Variants in CTPS2 observed in about 807,000 individuals in gnomAD.
CTPS2 encodes CTP synthase 2.
CTPS2 carries 19 observed loss-of-function variants against 46.8 expected under a neutral mutation model. The ratio of observed to expected loss-of-function variants is 0.41; its 90% CI spans 0.28 to 0.60. The LOEUF is 0.60. Among genes scored for constraint, CTPS2 ranks in the 20% least tolerant of loss-of-function variants. CTPS2 has a pLI of 0.35. For missense variants in CTPS2, 286 were observed against 447.6 expected (o/e 0.64, Z 3.26); for synonymous variants, 151 against 165.2 (o/e 0.91, Z 0.66).
Position 16,693,184 on chromosome X carries a change from T to C in CTPS2, c.596A>G (p.Asn199Ser), listed in dbSNP as rs753513954. The change falls in exon 6 of 19, where the codon AAC becomes AGC. Residue 199 changes from asparagine to serine, a missense_variant. Physicochemically the swap from Asn to Ser is conservative, Grantham distance 46 (BLOSUM62 1). Transcript: ENST00000359276. The stretch of plus-strand genomic sequence containing the variant: ...TAAACCCCTCAGTGCGCGGACGCTG[T>C]TTTGGGTGGGTTTGGTTTTTTGTTC... Reference protein sequence around the residue: ...TGEQKTKPTQNSVRALRGLGL... With the variant: ...TGEQKTKPTQSSVRALRGLGL... 1 of 1,210,497 alleles carries C rather than the reference T, an allele frequency of 8.3e-7. No individual in the cohort carries two copies. Among genetic ancestry groups the C allele is most frequent in the Non-Finnish European group, 1.1e-6 (1 of 894,655 alleles).
At chrX:16,609,777 A>C in intron 16 of CTPS2, 92 bp from the exon 17 acceptor site, 6 of 919,635 alleles carry the variant, frequency 6.5e-6, no homozygotes, top group Non-Finnish European at 8.9e-6. Context: ...AAACTCATTA[A>C]ATGGTAAGAT....
At chrX:16,697,239 A>AGG (rs942791700) in intron 4 of CTPS2, among the ~76,000 whole-genome samples, 3 of 110,007 alleles carry the variant, frequency 2.7e-5, no homozygotes, top group African/African-American at 9.9e-5. Context: ...TACGTGGCTC[A>AGG]GGGGTCACTG....
chrX:16,632,308 A>C (rs187789064), intron 14 of CTPS2, among the ~76,000 whole-genome samples: 296 of 112,218 alleles, frequency 2.6e-3, no homozygotes, highest in African/African-American at 8.9e-3. Context: ...AAAGGAGAAA[A>C]ATGAGTTTTT....
intron 13 of CTPS2, among the ~76,000 whole-genome samples, chrX:16,648,255 T>C (rs1188203812): frequency 8.9e-6 from 1 of 112,125 alleles, no homozygotes; most frequent in African/African-American, 3.2e-5. Flanking sequence ...TGTGGTTACA[T>C]AGGAGAATGT....
At chrX:16,661,553 C>T (rs1932954793) in intron 13 of CTPS2, among the ~76,000 whole-genome samples, 1 of 111,721 alleles carries the variant, frequency 9.0e-6, no homozygotes, top group Non-Finnish European at 1.9e-5. Context: ...AAATGTTATG[C>T]ATTAATCAAT....
chrX:16,632,773 A>G (rs187555347), intron 14 of CTPS2, among the ~76,000 whole-genome samples: 80 of 111,350 alleles, frequency 7.2e-4, no homozygotes, highest in African/African-American at 2.5e-3. Context: ...GGGAGCCAGG[A>G]CAGCATGTTT....
At chrX:16,647,156 TA>T (rs1932357035) in intron 13 of CTPS2, among the ~76,000 whole-genome samples, 1 of 109,215 alleles carries the variant, frequency 9.2e-6, no homozygotes, top group Admixed American at 1.0e-4. Context: ...AGTGAGCAAG[TA>T]AAAACTTAAG....
intron 6 of CTPS2, 109 bp from the exon 7 acceptor site, chrX:16,691,729 C>A: frequency 1.7e-6 from 1 of 579,174 alleles, no homozygotes. Context: ...TCACTTTGGA[C>A]ATTCCACTGG....
chrX:16,596,848 A>T (rs1929309174), intron 17 of CTPS2, among the ~76,000 whole-genome samples: 1 of 106,218 alleles, frequency 9.4e-6, no homozygotes, highest in Non-Finnish European at 1.9e-5. Context: ...CATCCTCTCC[A>T]GCACCTGTTG....
At chrX:16,610,135 G>A (rs770937843) in intron 16 of CTPS2, among the ~76,000 whole-genome samples, 1 of 111,184 alleles carries the variant, frequency 9.0e-6, no homozygotes, top group African/African-American at 3.3e-5. Flanking sequence ...AACCCATTGG[G>A]CTACCCTTGG....
intron 9 of CTPS2, among the ~76,000 whole-genome samples, chrX:16,682,220 C>T (rs1251641678): frequency 8.9e-6 from 1 of 112,596 alleles, no homozygotes; most frequent in African/African-American, 3.2e-5. Context: ...CACAGTGGCT[C>T]ATGCCAGTAA....
chrX:16,642,682 G>T (rs1031620368), intron 13 of CTPS2, among the ~76,000 whole-genome samples: 9 of 111,931 alleles, frequency 8.0e-5, no homozygotes, highest in African/African-American at 2.9e-4. Flanking sequence ...CTGCCTCTTG[G>T]GTTATAAGCA....
At chrX:16,599,876 G>T (rs1929556152) in intron 17 of CTPS2, among the ~76,000 whole-genome samples, 1 of 107,730 alleles carries the variant, frequency 9.3e-6, no homozygotes, top group Non-Finnish European at 1.9e-5. Flanking sequence ...TGCCTCCCAG[G>T]TTCAAGATTC....
At chrX:16,635,373 C>A (rs1426984067) in intron 14 of CTPS2, among the ~76,000 whole-genome samples, 5 of 110,951 alleles carry the variant, frequency 4.5e-5, no homozygotes, top group Non-Finnish European at 9.5e-5. Flanking sequence ...GAAAAAAAAA[C>A]GTTCATAAAA....
intron 13 of CTPS2, chrX:16,651,087 G>A (rs1932599922): frequency 8.3e-7 from 1 of 1,201,164 alleles, no homozygotes; most frequent in Non-Finnish European, 1.1e-6. Flanking sequence ...CAGACCAGTT[G>A]TCAAAGGATG....
At chrX:16,632,792 G>A (rs763739572) in intron 14 of CTPS2, among the ~76,000 whole-genome samples, 1 of 111,232 alleles carries the variant, frequency 9.0e-6, no homozygotes, top group African/African-American at 3.3e-5. Context: ...TTTATTAGAA[G>A]ACTAGAAAAT....
intron 17 of CTPS2, among the ~76,000 whole-genome samples, chrX:16,603,310 G>T (rs538462894): frequency 9.1e-6 from 1 of 109,541 alleles, no homozygotes; most frequent in East Asian, 2.8e-4. Context: ...CCAGCCACTC[G>T]GGAGGCTGAG....
intron 8 of CTPS2, among the ~76,000 whole-genome samples, chrX:16,685,357 G>A (rs1479842427): frequency 3.6e-5 from 4 of 111,408 alleles, no homozygotes; most frequent in Non-Finnish European, 5.7e-5. Context: ...AGGTGGTACA[G>A]GTGAGTCCAC....
At chrX:16,623,789 A>ATTTT (rs1312073770) in intron 14 of CTPS2, among the ~76,000 whole-genome samples, 4 of 67,538 alleles carry the variant, frequency 5.9e-5, no homozygotes, top group African/African-American at 2.1e-4. Flanking sequence ...CATCCCCTCA[A>ATTTT]TTCTTTTTTT....
Sources: allele counts gnomAD v4.1 joint callset (sites outside exome capture counted in the v4.1 genomes callset), GRCh38; gene constraint gnomAD v4.1.1; transcripts MANE v1.5; gene names NCBI Gene and HGNC (gene_info 2026-07-23, HGNC 2026-07-21).